Variants in HMCN1 observed in about 807,000 individuals in gnomAD.
HMCN1 encodes hemicentin 1, also known as hemicentin-1.
Under a neutral mutation model 625.9 loss-of-function variants are expected in HMCN1, and 321 were observed. The ratio of observed to expected loss-of-function variants is 0.51; its 90% CI spans 0.47 to 0.56. The LOEUF is 0.56. Ranked by LOEUF, HMCN1 falls within the 20% of genes least tolerant of loss-of-function variation. HMCN1 has a pLI of 0.00. For missense variants in HMCN1, 6,588 were observed against 6,887.3 expected (o/e 0.96, Z 1.54); for synonymous variants, 2,425 against 2,417.6 (o/e 1.00, Z -0.09).
chr1:185,855,756 A>C (rs77959559), intron 2 of HMCN1, among the ~76,000 whole-genome samples: 72 of 152,274 alleles, frequency 4.7e-4, no homozygotes, highest in African/African-American at 1.6e-3. Context: ...GACAGGTGAT[A>C]ATCTGAAAGC....
chr1:186,044,789 T>C (rs1656452561), intron 40 of HMCN1, among the ~76,000 whole-genome samples: 1 of 152,170 alleles, frequency 6.6e-6, no homozygotes, highest in Non-Finnish European at 1.5e-5. Context: ...TTTGTGTTTC[T>C]GAATTATTAT....
At chr1:186,135,055 C>T (rs1310039337) in intron 86 of HMCN1, among the ~76,000 whole-genome samples, 8 of 152,170 alleles carry the variant, frequency 5.3e-5, no homozygotes, top group African/African-American at 1.9e-4. Context: ...CTCCCCTCTC[C>T]TCTCTGTTCA....
chr1:185,969,829 A>T (rs1435993106), intron 14 of HMCN1, among the ~76,000 whole-genome samples: 4 of 152,158 alleles, frequency 2.6e-5, no homozygotes, highest in Non-Finnish European at 5.9e-5. Context: ...CTGGAGGAGG[A>T]GGAGGGGAAG....
rs145595000 is a variant in HMCN1, at chr1:185,995,049, C to T, written c.3740C>T (p.Ala1247Val). 534 of 1,613,708 alleles carry T rather than the reference C, an allele frequency of 3.3e-4. No homozygotes were observed. Among genetic ancestry groups the T allele is most frequent in the Admixed American group, 8.8e-4 (53 of 59,988 alleles). Reference protein sequence around the residue: ...GIYTCVATNIAGTDETEITLH... With the variant: ...GIYTCVATNIVGTDETEITLH... ...TATACATGTGTTGCTACTAACATAGCAGGCACTGATGAAACAGAGATAACG... is the reference window on the plus strand; with the variant it reads ...TATACATGTGTTGCTACTAACATAGTAGGCACTGATGAAACAGAGATAACG... The change falls in exon 24 of 107, where the codon GCA (alanine) becomes GTA (valine). Residue 1247 changes from alanine to valine, a missense_variant. This residue lies in a region of HMCN1 where 4,628 missense variants were observed against 4,853.1 expected (regional missense o/e 0.95). Transcript: ENST00000271588.
At position 186,000,140 on chromosome 1, in the gene HMCN1, G is replaced by A. The variant is rs780183230; in HGVS notation, c.3970G>A (p.Val1324Ile). ...ISILEDGTLL[V>I]IASVTPYDNG... ...TATCTTGGAAGATGGCACATTGCTGGTTATTGCTTCTGTTACACCCTATGA... is the reference window on the plus strand; with the variant it reads ...TATCTTGGAAGATGGCACATTGCTGATTATTGCTTCTGTTACACCCTATGA... Residue 1324 changes from valine (V) to isoleucine (I), a missense_variant, in exon 26 of 107, where the codon GTT (valine) becomes ATT (isoleucine). Val to Ile is a conservative substitution (Grantham distance 29). This residue lies in a region of HMCN1 where 4,628 missense variants were observed against 4,853.1 expected (regional missense o/e 0.95). Coordinates refer to ENST00000271588, the MANE Select transcript of HMCN1 (RefSeq NM_031935.3). 5 of 1,613,160 alleles carry A rather than the reference G, an allele frequency of 3.1e-6. No homozygotes were observed. The South Asian group carries it at 4.4e-5, about 14-fold the overall frequency.
At chr1:185,877,942 A>G (rs1159719685) in intron 4 of HMCN1, among the ~76,000 whole-genome samples, 3 of 151,680 alleles carry the variant, frequency 2.0e-5, no homozygotes, top group East Asian at 1.9e-4. Flanking sequence ...CTTTGTCCCC[A>G]TTGGTTCTCA....
In HMCN1 at chr1:185,734,514, G is replaced by A; in HGVS notation, c.-266G>A. The A allele has an allele frequency of 2.2e-6, 1 of 454,508 alleles. No homozygotes were observed. Among genetic ancestry groups the A allele is most frequent in the South Asian group, 2.7e-5 (1 of 36,882 alleles). 28.2% of individuals were successfully genotyped at this position (454,508 alleles called of 1,614,324 possible). On this transcript the variant is annotated 5_prime_UTR_variant, in exon 1 of 107. Coordinates refer to ENST00000271588, the MANE Select transcript of HMCN1 (RefSeq NM_031935.3). ...ACGCGCCGCCCGCACTCCGCCACAG[G>A]CTGTCCAGGGCCCGCGGGCAGATAG...
chr1:185,989,752 A>C, intron 21 of HMCN1, 105 bp downstream of exon 21: 1 of 1,018,976 alleles, frequency 9.8e-7, no homozygotes, highest in Non-Finnish European at 1.5e-6. Flanking sequence ...CCCTAAAGTG[A>C]ACTGCTCCCC....
chr1:185,979,496 T>C (rs981728520), intron 16 of HMCN1, among the ~76,000 whole-genome samples: 1 of 152,212 alleles, frequency 6.6e-6, no homozygotes, highest in African/African-American at 2.4e-5. Flanking sequence ...TGCCTAATTG[T>C]CGAAATTAAA....
intron 4 of HMCN1, among the ~76,000 whole-genome samples, chr1:185,877,924 G>A (rs1664060930): frequency 6.6e-6 from 1 of 151,866 alleles, no homozygotes; most frequent in Non-Finnish European, 1.5e-5. Context: ...AGTGTCTGTT[G>A]TTCCTCTCTT....
At chr1:185,855,932 A>G (rs1662437934) in intron 2 of HMCN1, among the ~76,000 whole-genome samples, 1 of 152,122 alleles carries the variant, frequency 6.6e-6, no homozygotes, top group South Asian at 2.1e-4. Flanking sequence ...TCTTTTATTT[A>G]GATTTTGGAG....
intron 80 of HMCN1, 36 bp downstream of exon 80, chr1:186,120,181 G>A: frequency 6.2e-7 from 1 of 1,605,838 alleles, no homozygotes; most frequent in South Asian, 1.1e-5. Context: ...TCAATTCAAA[G>A]ATGTTTGTAA....
chr1:186,069,241 T>C (rs946133708), intron 50 of HMCN1, among the ~76,000 whole-genome samples: 18 of 152,284 alleles, frequency 1.2e-4, no homozygotes, highest in Non-Finnish European at 2.2e-4. Context: ...TGTTGGTCAA[T>C]TGAGAACGAT....
At chr1:186,144,045 T>A in intron 89 of HMCN1, 128 bp from the exon 90 acceptor site, 1 of 756,540 alleles carries the variant, frequency 1.3e-6, no homozygotes. Context: ...TATGTTTCAT[T>A]TGGTTCAGTT....
rs552806881 is a variant in HMCN1, at chr1:186,055,311, G to A, written c.6863-82G>A. The A allele has an allele frequency of 1.3e-4, 159 of 1,231,694 alleles. No individual in the cohort carries two copies. The African/African-American group carries it at 2.3e-3, about 18-fold the overall frequency. The allele number at this position is 1,231,694 out of a possible 1,614,324, so 76.3% of individuals were successfully genotyped here. A position where few individuals can be genotyped will look rare whatever the true frequency, so the allele number is the denominator to read the frequency against. ...TATTTTAACATAAAAATATATTTAA[G>A]TTTGGCTGATGAAAATTCCTATGTA... On this transcript the variant is annotated intron_variant, in intron 44 of 106. Transcript: ENST00000271588.
chr1:185,952,512 T>C (rs1002599621), intron 11 of HMCN1, among the ~76,000 whole-genome samples: 1 of 151,660 alleles, frequency 6.6e-6, no homozygotes, highest in Non-Finnish European at 1.5e-5. Context: ...GGGACTGATG[T>C]GTAAAAGAAT....
chr1:185,736,265 C>CAT (rs960773297), intron 1 of HMCN1, among the ~76,000 whole-genome samples: 1 of 152,112 alleles, frequency 6.6e-6, no homozygotes, highest in African/African-American at 2.4e-5. Flanking sequence ...TATACACACA[C>CAT]ATACACATAC....
At position 186,115,365 on chromosome 1, in the gene HMCN1, A is replaced by C. The variant is rs1413031590; in HGVS notation, c.11512A>C (p.Arg3838=). Residue 3838 remains arginine, a synonymous_variant, in exon 75 of 107, where the codon AGA becomes CGA. Transcript: ENST00000271588. ...GATACCAAAACCATCAATCAATTGGAGAAAAAATGGGCATCTTCTTAATGT... is the reference window on the plus strand; with the variant it reads ...GATACCAAAACCATCAATCAATTGGCGAAAAAATGGGCATCTTCTTAATGT... ...TGIPKPSINW[R]KNGHLLNVDQ... is the part of the protein sequence containing the mutation. The C allele has an allele frequency of 6.2e-7, 1 of 1,614,008 alleles. No individual in the cohort carries two copies. The highest frequency in any genetic ancestry group is 8.5e-7 in the Non-Finnish European group (1 of 1,179,970).
intron 64 of HMCN1, 52 bp downstream of exon 64, chr1:186,090,969 C>A: frequency 6.6e-7 from 1 of 1,506,916 alleles, no homozygotes; most frequent in Non-Finnish European, 9.2e-7. Flanking sequence ...TTCTACAATG[C>A]TTTATGCTTC....
Sources: allele counts gnomAD v4.1 joint callset (sites outside exome capture counted in the v4.1 genomes callset), GRCh38; gene constraint gnomAD v4.1.1; regional missense constraint gnomAD v4.1.1; transcripts MANE v1.5; gene names NCBI Gene and HGNC (gene_info 2026-07-23, HGNC 2026-07-21).